The following UBN1 variants were observed in gnomAD, a reference collection of about 807,000 sequenced individuals.
UBN1 encodes ubinuclein-1.
Under a neutral mutation model 108.5 loss-of-function variants are expected in UBN1, and 17 were observed. The observed-to-expected ratio is 0.16, with a 90% CI of 0.11 to 0.24. UBN1 has a LOEUF of 0.24. Among genes scored for constraint, UBN1 ranks in the 10% least tolerant of loss-of-function variants. The pLI is 1.00. For synonymous variants in UBN1, 726 were observed against 564.2 expected (o/e 1.29, Z -4.07); for missense variants, 1,595 against 1,394.4 (o/e 1.14, Z -2.29).
chr16:4,860,738 T>G lies in UBN1; in HGVS notation c.746T>G (p.Leu249Arg). 1 of 1,614,156 alleles carries G rather than the reference T, an allele frequency of 6.2e-7. No individual in the cohort carries two copies. Among genetic ancestry groups the G allele is most frequent in the Non-Finnish European group, 8.5e-7 (1 of 1,180,030 alleles). Reference sequence around the variant, plus strand: ...GGGGCTTTAAGCGTTAAAGAGATGCTAAAGAAATTTCAGAAAGAGAAAGAG... The same window carrying G: ...GGGGCTTTAAGCGTTAAAGAGATGCGAAAGAAATTTCAGAAAGAGAAAGAG... ...YSGALSVKEM[L>R]KKFQKEKEAQ... is the part of the protein sequence containing the mutation. The change falls in exon 7 of 18, where the codon CTA (leucine) becomes CGA (arginine). Residue 249 changes from leucine (L) to arginine (R), a missense_variant. Leu to Arg is a moderately radical substitution (Grantham distance 102). Transcript: ENST00000262376.
intron 2 of UBN1, among the ~76,000 whole-genome samples, chr16:4,857,740 T>G (rs1026614253): frequency 1.3e-5 from 2 of 152,214 alleles, no homozygotes; most frequent in African/African-American, 4.8e-5. Flanking sequence ...TTGCTGTCTT[T>G]GAGTCCTGCA....
chr16:4,864,283 A>G (rs768173468), intron 7 of UBN1, among the ~76,000 whole-genome samples: 24 of 152,044 alleles, frequency 1.6e-4, no homozygotes, highest in Non-Finnish European at 2.8e-4. Flanking sequence ...GCCACAGTAC[A>G]TAGCAGATTC....
At chr16:4,853,246 G>A (rs2086638476) in intron 2 of UBN1, 80 bp downstream of exon 2, 4 of 1,531,122 alleles carry the variant, frequency 2.6e-6, no homozygotes, top group Non-Finnish European at 3.5e-6. Flanking sequence ...CCGTAGCGGG[G>A]AAGCAAGACT....
At chr16:4,852,667 A>G (rs2086613810) in intron 1 of UBN1, 1 of 410,964 alleles carries the variant, frequency 2.4e-6, no homozygotes, top group Non-Finnish European at 4.3e-6. Context: ...ATGCACAGGA[A>G]AAAAGACTGG....
chr16:4,871,346 G>A (rs775258103), intron 12 of UBN1, 45 bp downstream of exon 12: 8 of 1,587,216 alleles, frequency 5.0e-6, no homozygotes, highest in East Asian at 4.5e-5. Flanking sequence ...GTCAAGACAC[G>A]TTTGAACGCT....
intron 2 of UBN1, among the ~76,000 whole-genome samples, chr16:4,853,586 C>G (rs1433541713): frequency 6.8e-6 from 1 of 148,008 alleles, no homozygotes; most frequent in Non-Finnish European, 1.5e-5. Flanking sequence ...GAGACCGAGT[C>G]TCGCCCTGTC....
Position 4,876,968 on chromosome 16 carries a change from A to G in UBN1, c.3122A>G (p.Asn1041Ser). Residue 1041 changes from asparagine to serine, a missense_variant, in exon 16 of 18, where the codon AAC (asparagine) becomes AGC (serine). Coordinates refer to ENST00000262376, the MANE Select transcript of UBN1 (RefSeq NM_001079514.3). ...AAGCTGTCTGGGGCCATGAGCTCGA[A>G]CTCCTTGGGAATTATAACCCCTGTC... ...SPKLSGAMSS[N>S]SLGIITPVPI... 1 of 1,614,082 alleles carries G rather than the reference A, an allele frequency of 6.2e-7. No individual in the cohort carries two copies. The highest frequency in any genetic ancestry group is 1.3e-5 in the African/African-American group (1 of 74,986).
chr16:4,852,944 C>A lies in UBN1; in HGVS notation c.27C>A (p.Phe9Leu). The A allele has an allele frequency of 6.2e-7, 1 of 1,614,156 alleles. No homozygotes were observed. The highest frequency in any genetic ancestry group is 1.1e-5 in the South Asian group (1 of 91,046). The change falls in exon 2 of 18, where the codon TTC becomes TTA. Residue 9 changes from phenylalanine to leucine, a missense_variant. Phe to Leu is a conservative substitution (Grantham distance 22). Coordinates refer to ENST00000262376, the MANE Select transcript of UBN1 (RefSeq NM_001079514.3). ...TGTCGGAGCCCCACAGGGTCCAGTT[C>A]ACCTCTCTCCCAGGTTCCCTGAATC... Reference protein sequence around the residue: MSEPHRVQFTSLPGSLNPA... With the variant: MSEPHRVQLTSLPGSLNPA...
intron 2 of UBN1, among the ~76,000 whole-genome samples, chr16:4,856,240 T>C (rs1339435934): frequency 6.6e-6 from 1 of 152,208 alleles, no homozygotes; most frequent in Non-Finnish European, 1.5e-5. Context: ...CAGATGCCCT[T>C]CACCATTGCA....
rs578094469 is a variant in UBN1 at position 4,871,804 on chromosome 16, T to C, written c.1706+503T>C. Among the ~76,000 whole-genome samples the C allele has an allele frequency of 2.0e-4, 31 of 152,198 alleles. No individual in the cohort carries two copies. The South Asian group carries it at 4.6e-3, about 22-fold the overall frequency. On this transcript the variant is annotated intron_variant, in intron 12 of 17. Transcript: ENST00000262376. ...GGTTTCACCGTGTTAGCCAGGATGGTCTCAATCTCCTGACCTTGTGATCTG... is the reference window on the plus strand; with the variant it reads ...GGTTTCACCGTGTTAGCCAGGATGGCCTCAATCTCCTGACCTTGTGATCTG...
Position 4,875,957 on chromosome 16 carries a change from T to C in UBN1, c.3024+523T>C, listed in dbSNP as rs567351458. On this transcript the variant is annotated intron_variant, in intron 15 of 17. Coordinates refer to ENST00000262376, the MANE Select transcript of UBN1 (RefSeq NM_001079514.3). ...GAGGGAGTGAGCATTTTCTTTTCTT[T>C]TTTTCTTTTTTTTTTTTTTGAGACG... Among the ~76,000 whole-genome samples the C allele has an allele frequency of 8.3e-5, 11 of 133,104 alleles. No individual in the cohort carries two copies. The South Asian group carries it at 1.2e-3, about 14-fold the overall frequency. The allele number at this position is 133,104 out of a possible 152,430, so 87.3% of individuals were successfully genotyped here. A position where few individuals can be genotyped will look rare whatever the true frequency, so the allele number is the denominator to read the frequency against.
At position 4,859,031 on chromosome 16, in the gene UBN1, G is replaced by A; in HGVS notation, c.439G>A (p.Glu147Lys). 1 of 1,613,280 alleles carries A rather than the reference G, an allele frequency of 6.2e-7. No individual in the cohort carries two copies. Among genetic ancestry groups the A allele is most frequent in the Non-Finnish European group, 8.5e-7 (1 of 1,179,796 alleles). Residue 147 changes from glutamate to lysine, a missense_variant, in exon 5 of 18, where the codon GAG becomes AAG. This residue lies in a region of UBN1 where 16 missense variants were observed against 42.4 expected (regional missense o/e 0.38). Transcript: ENST00000262376. ...GTTTGTTTCCCATCTTCAGTATGAT[G>A]AGCTTGTTCCTGCTTCTTTGACTAC... ...SFIDNSEAYD[E>K]LVPASLTTKY... is the part of the protein sequence containing the mutation.
rs2087929220 is a variant in UBN1 at position 4,877,302 on chromosome 16, GC to G, written c.3266-82del. 6.5e-7 allele frequency: 1 copy of G among 1,545,424 alleles called. No homozygotes were observed. Among genetic ancestry groups the G allele is most frequent in the African/African-American group, 1.4e-5 (1 of 73,388 alleles). On this transcript the variant is annotated intron_variant, in intron 16 of 17. Coordinates refer to ENST00000262376, the MANE Select transcript of UBN1 (RefSeq NM_001079514.3). The surrounding 1 kb of genome is among the most constrained non-coding windows in gnomAD (Gnocchi z 4.3). ...AGACTGGCCTGGCAGGTTATCGGGG[GC>G]TTTTGGCTGCTGGAGCTGCTTTCCT...
Position 4,876,727 on chromosome 16 carries a change from G to T in UBN1, c.3025-144G>T, listed in dbSNP as rs545142447. The T allele has an allele frequency of 3.9e-6, 5 of 1,282,264 alleles. No individual in the cohort carries two copies. In the South Asian group the frequency reaches 7.8e-5, roughly 20 times the overall value. The allele number at this position is 1,282,264 out of a possible 1,614,324, so 79.4% of individuals were successfully genotyped here. A position where few individuals can be genotyped will look rare whatever the true frequency, so the allele number is the denominator to read the frequency against. On this transcript the variant is annotated intron_variant, in intron 15 of 17. Transcript: ENST00000262376. ...CTGTCTTTGGGGCTGCAGGGTCGGAGGGTGCCTCCCAGGGCCATCTGACAT... is the reference window on the plus strand; with the variant it reads ...CTGTCTTTGGGGCTGCAGGGTCGGATGGTGCCTCCCAGGGCCATCTGACAT...
rs751193858 is a variant in UBN1 at position 4,868,912 on chromosome 16, C to T, written c.1181+9C>T. On this transcript the variant is annotated intron_variant, in intron 8 of 17. Transcript: ENST00000262376. Reference sequence around the variant, plus strand: ...AATGGAATCCTATTAGAGTGAGTATCGTCTGTCTGTCTGTCTGTCTGTCTG... The same window carrying T: ...AATGGAATCCTATTAGAGTGAGTATTGTCTGTCTGTCTGTCTGTCTGTCTG... 77 of 1,612,458 alleles carry T rather than the reference C, an allele frequency of 4.8e-5. 1 individual carries two copies. The highest frequency in any genetic ancestry group is 5.5e-5 in the South Asian group (5 of 90,942).
At chr16:4,853,227 G>A in intron 2 of UBN1, 61 bp downstream of exon 2, 1 of 1,575,004 alleles carries the variant, frequency 6.3e-7, no homozygotes, top group Non-Finnish European at 8.6e-7. Context: ...GTGCATGCAT[G>A]TGGGGCTTCC....
Position 4,872,881 on chromosome 16 carries a change from C to T in UBN1, c.1707-3C>T. The T allele has an allele frequency of 6.2e-7, 1 of 1,614,216 alleles. No homozygotes were observed. Among genetic ancestry groups the T allele is most frequent in the East Asian group, 2.2e-5 (1 of 44,886 alleles). On this transcript the variant is annotated splice_region_variant and splice_polypyrimidine_tract_variant and intron_variant, in intron 12 of 17. Coordinates refer to ENST00000262376, the MANE Select transcript of UBN1 (RefSeq NM_001079514.3). The stretch of plus-strand genomic sequence containing the variant: ...CAGATGCCTGGTGTTCTGTGTCTTT[C>T]AGAACTCTGTTTAAGGAGAGCAGAC...
At chr16:4,872,775 C>A in intron 12 of UBN1, 109 bp from the exon 13 acceptor site, 2 of 1,321,326 alleles carry the variant, frequency 1.5e-6, no homozygotes, top group Non-Finnish European at 2.1e-6. Flanking sequence ...GGCCAGTTGA[C>A]ATTTAATGAG....
intron 1 of UBN1, among the ~76,000 whole-genome samples, chr16:4,849,966 A>AAAAAAAAG (rs57963705): frequency 6.9e-6 from 1 of 145,014 alleles, no homozygotes; most frequent in Non-Finnish European, 1.5e-5. Flanking sequence ...AAAAAAAAAA[A>AAAAAAAAG]CCACAAAAAA....
Sources: gnomAD v4.1 joint callset for allele counts (sites outside exome capture counted in the v4.1 genomes callset) on GRCh38, gnomAD v4.1.1 for gene constraint, gnomAD v4.1.1 regional missense constraint, Gnocchi (gnomAD v3.1) non-coding constraint, MANE v1.5 for transcripts, NCBI Gene and HGNC (gene_info 2026-07-23, HGNC 2026-07-21) for gene names.